Variants in TNFRSF10A observed in about 807,000 individuals in gnomAD.
TNFRSF10A encodes the protein tumor necrosis factor receptor superfamily member 10A.
A neutral mutation model predicts 42.8 loss-of-function variants in TNFRSF10A; 44 were observed. That is an observed-to-expected ratio of 1.03 (90% CI 0.81 to 1.32). TNFRSF10A has a LOEUF of 1.32. Among genes scored for constraint, TNFRSF10A ranks in the 40% most tolerant of loss-of-function variants. The pLI is 0.00. For synonymous variants in TNFRSF10A, 259 were observed against 234.2 expected, an observed-to-expected ratio of 1.11 and a Z score of -0.97; for missense variants, 680 against 602.0, an observed-to-expected ratio of 1.13 and a Z score of -1.36.
Position 23,200,563 on chromosome 8 carries a change from A to G in TNFRSF10A, c.741T>C (p.Thr247=). The G allele has an allele frequency of 1.2e-6, 2 of 1,614,176 alleles. No homozygotes were observed. The highest frequency in any genetic ancestry group is 8.5e-7 in the Non-Finnish European group (1 of 1,179,988). The change falls in exon 6 of 10, where the codon ACT becomes ACC. Residue 247 remains threonine, a synonymous_variant. Coordinates refer to ENST00000221132, the MANE Select transcript of TNFRSF10A (RefSeq NM_003844.4). The stretch of plus-strand genomic sequence containing the variant: ...CCACCAACAGCAACGGAACAACCAA[A>G]GTCACAACCAAAATCACCCATATAT... ...GHNIWVILVV[T]LVVPLLLVAV... is the part of the protein sequence containing the mutation.
rs765009914 is a variant in TNFRSF10A at position 23,212,212 on chromosome 8, C to T, written c.307G>A (p.Val103Ile). The T allele has an allele frequency of 4.3e-6, 7 of 1,612,976 alleles. No individual in the cohort carries two copies. The highest frequency in any genetic ancestry group is 3.3e-5 in the Admixed American group (2 of 59,996). Residue 103 changes from valine (V) to isoleucine (I), a missense_variant and splice_region_variant, in exon 2 of 10, where the codon GTC becomes ATC. By Grantham distance (29) the Val-to-Ile change is conservative (BLOSUM62 3). Transcript: ENST00000221132. ...KFVVVGVLLQ[V>I]VPSSAATIKL... Reference sequence around the variant, plus strand: ...ATGGTTGCAGCTGAGCTAGGTACGACCTGTGGGGACAAAGCAGGGACTGGC... The same window carrying T: ...ATGGTTGCAGCTGAGCTAGGTACGATCTGTGGGGACAAAGCAGGGACTGGC...
At chr8:23,219,887 T>C (rs1696945624) in intron 1 of TNFRSF10A, among the ~76,000 whole-genome samples, 1 of 152,252 alleles carries the variant, frequency 6.6e-6, no homozygotes, top group African/African-American at 2.4e-5. Flanking sequence ...TCTAAGTTTT[T>C]AAAGTGGTCA....
intron 1 of TNFRSF10A, among the ~76,000 whole-genome samples, chr8:23,212,818 C>T (rs1801109094): frequency 6.6e-6 from 1 of 152,214 alleles, no homozygotes; most frequent in Non-Finnish European, 1.5e-5. Flanking sequence ...CCATCCTACT[C>T]AATAGTGAAA....
intron 6 of TNFRSF10A, 120 bp from the exon 7 acceptor site, chr8:23,200,037 C>A: frequency 7.9e-7 from 1 of 1,263,890 alleles, no homozygotes; most frequent in South Asian, 1.2e-5. Flanking sequence ...GATCCCCGGG[C>A]CTGGGGATCC....
chr8:23,193,793 G>A (rs183704252), intron 9 of TNFRSF10A, among the ~76,000 whole-genome samples: 2 of 152,300 alleles, frequency 1.3e-5, no homozygotes, highest in Non-Finnish European at 2.9e-5. Context: ...ATTTCTATGT[G>A]TTTGCTAGAG....
At chr8:23,211,867 T>G (rs1388582239) in intron 2 of TNFRSF10A, among the ~76,000 whole-genome samples, 1 of 152,156 alleles carries the variant, frequency 6.6e-6, no homozygotes, top group East Asian at 1.9e-4. Context: ...AAAAATTAAC[T>G]GAAAATGCAT....
In TNFRSF10A at chr8:23,202,448, T is replaced by C. The variant is rs556271812; in HGVS notation, c.517+200A>G. Among the ~76,000 whole-genome samples the C allele has an allele frequency of 3.3e-5, 5 of 152,346 alleles. No homozygotes were observed. The East Asian group carries it at 7.7e-4, about 23-fold the overall frequency. On this transcript the variant is annotated intron_variant, in intron 3 of 9. Transcript: ENST00000221132. ...GATGCCCCTACCCTCTTGGAGCTGA[T>C]AGTTTGCACTACCAGGTGGCATGCA...
Position 23,191,695 on chromosome 8 carries a change from C to A in TNFRSF10A, c.1406G>T (p.Ter469LeuextTer15), listed in dbSNP as rs144773234. Residue 469 changes from the stop codon to leucine (L), a stop_lost, in exon 10 of 10, where the codon TGA (stop) becomes TTA (leucine). Coordinates refer to ENST00000221132, the MANE Select transcript of TNFRSF10A (RefSeq NM_003844.4). ...GAAACCTCTGGTAAAAAGAGTCTTT[C>A]ACTCCAAGGACACGGCAGAGCCTGT... is the stretch of plus-strand genomic sequence containing the variant. ...DGTGSAVSLE* is the reference protein window; with the variant it reads ...DGTGSAVSLEL The A allele has an allele frequency of 8.7e-4, 1,409 of 1,610,852 alleles. 3 individuals carry two copies. Among genetic ancestry groups the A allele is most frequent in the Middle Eastern group, 2.0e-3 (12 of 6,038 alleles).
chr8:23,217,582 C>G lies in TNFRSF10A; in HGVS notation c.307-5370G>C, dbSNP rs564832778. Among the ~76,000 whole-genome samples the G allele has an allele frequency of 1.5e-4, 23 of 152,262 alleles. 1 individual carries two copies. The highest frequency in any genetic ancestry group is 6.8e-3 in the Middle Eastern group (2 of 294). On this transcript the variant is annotated intron_variant, in intron 1 of 9. Transcript: ENST00000221132. ...ATCTCTACTAATAGCAAGTGAAAAC[C>G]TGACAACGAGCTCCTGGTGACTCTG...
chr8:23,222,907 CT>C (rs1801276439), intron 1 of TNFRSF10A, among the ~76,000 whole-genome samples: 1 of 152,156 alleles, frequency 6.6e-6, no homozygotes, highest in African/African-American at 2.4e-5. Context: ...ACCCCTTCCC[CT>C]GATGGGCAGA....
intron 2 of TNFRSF10A, among the ~76,000 whole-genome samples, chr8:23,205,529 G>A (rs1585283201): frequency 6.6e-6 from 1 of 152,078 alleles, no homozygotes; most frequent in Non-Finnish European, 1.5e-5. Flanking sequence ...AATAAAAAAG[G>A]TAACTATAAA....
chr8:23,211,723 A>G (rs1464108880), intron 2 of TNFRSF10A, among the ~76,000 whole-genome samples: 1 of 152,244 alleles, frequency 6.6e-6, no homozygotes, highest in African/African-American at 2.4e-5. Flanking sequence ...AAATACACCC[A>G]TACCTTTATG....
At chr8:23,211,756 T>G (rs376496353) in intron 2 of TNFRSF10A, among the ~76,000 whole-genome samples, 1 of 152,206 alleles carries the variant, frequency 6.6e-6, no homozygotes, top group Non-Finnish European at 1.5e-5. Flanking sequence ...TTGACAAGGA[T>G]GCCAAGGCCA....
chr8:23,202,010 AG>A, intron 3 of TNFRSF10A, 91 bp from the exon 4 acceptor site: 1 of 1,178,450 alleles, frequency 8.5e-7, no homozygotes, highest in Non-Finnish European at 1.2e-6. Context: ...CCCTCAGCTC[AG>A]CTCAACTCAG....
chr8:23,221,122 A>G (rs1801250114), intron 1 of TNFRSF10A, among the ~76,000 whole-genome samples: 1 of 152,102 alleles, frequency 6.6e-6, no homozygotes, highest in African/African-American at 2.4e-5. Flanking sequence ...TGCAGGTGGG[A>G]GCAGGTGCAG....
At chr8:23,220,458 T>A (rs1320286325) in intron 1 of TNFRSF10A, among the ~76,000 whole-genome samples, 3 of 152,230 alleles carry the variant, frequency 2.0e-5, no homozygotes, top group South Asian at 2.1e-4. Flanking sequence ...GGCTGAAGAC[T>A]GCCAGGGTTG....
intron 7 of TNFRSF10A, 51 bp from the exon 8 acceptor site, chr8:23,199,499 G>T: frequency 6.3e-7 from 1 of 1,587,590 alleles, no homozygotes. Flanking sequence ...GGCTCCCCAC[G>T]GGGTCCGTAG....
In TNFRSF10A at chr8:23,206,140, A is replaced by G. The variant is rs73222593; in HGVS notation, c.404-3379T>C. 2.4e-3 allele frequency among the ~76,000 whole-genome samples: 363 copies of G among 152,332 alleles called. 1 individual carries two copies. Among genetic ancestry groups the G allele is most frequent in the Non-Finnish European group, 3.9e-3 (268 of 68,036 alleles). ...GAAAGAACATTTTTTGTACAGCTGT[A>G]CAGTTTTTGTTTTTTAAGCTAAGTG... On this transcript the variant is annotated intron_variant, in intron 2 of 9. Coordinates refer to ENST00000221132, the MANE Select transcript of TNFRSF10A (RefSeq NM_003844.4).
intron 9 of TNFRSF10A, among the ~76,000 whole-genome samples, chr8:23,192,299 G>A (rs1800767810): frequency 6.6e-6 from 1 of 152,240 alleles, no homozygotes; most frequent in African/African-American, 2.4e-5. Context: ...CCCTACGGAG[G>A]CAGAAAGCAA....
Sources: gnomAD v4.1 joint callset for allele counts (sites outside exome capture counted in the v4.1 genomes callset) on GRCh38, gnomAD v4.1.1 for gene constraint, MANE v1.5 for transcripts, NCBI Gene and HGNC (gene_info 2026-07-23, HGNC 2026-07-21) for gene names.